Variants in ANKRD30BL observed in about 807,000 individuals in gnomAD.
ANKRD30BL encodes the protein putative ankyrin repeat domain-containing protein 30B-like.
Under a neutral mutation model 18.4 loss-of-function variants are expected in ANKRD30BL, and 20 were observed. That is an observed-to-expected ratio of 1.09 (90% CI 0.77 to 1.58). The LOEUF is 1.58. ANKRD30BL is among the 40% of genes most tolerant of loss of function. ANKRD30BL has a pLI of 0.00. For synonymous variants in ANKRD30BL, 72 were observed against 100.9 expected, an observed-to-expected ratio of 0.71 and a Z score of 1.72; for missense variants, 224 against 268.6, an observed-to-expected ratio of 0.83 and a Z score of 1.16.
intron 1 of ANKRD30BL, among the ~76,000 whole-genome samples, chr2:132,229,837 A>ATG (rs1679957093): frequency 6.6e-6 from 1 of 152,158 alleles, no homozygotes; most frequent in African/African-American, 2.4e-5. Flanking sequence ...TTTCTTTGTG[A>ATG]TTTGTGCATT....
At chr2:132,222,024 A>G (rs62165527) in intron 1 of ANKRD30BL, among the ~76,000 whole-genome samples, 5 of 52,384 alleles carry the variant, frequency 9.5e-5, no homozygotes, top group African/African-American at 2.2e-4. Context: ...CCGGCCAGCC[A>G]CCCTGTCCGG....
chr2:132,163,603 C>T (rs1688130520), upstream of ANKRD30BL, among the ~76,000 whole-genome samples: 1 of 152,214 alleles, frequency 6.6e-6, no homozygotes, highest in South Asian at 2.1e-4. Flanking sequence ...ATTGTTTACA[C>T]ATCTAGCTTG....
At chr2:132,212,346 A>G (rs189027203) in intron 1 of ANKRD30BL, among the ~76,000 whole-genome samples, 1 of 151,260 alleles carries the variant, frequency 6.6e-6, no homozygotes, top group Non-Finnish European at 1.5e-5. Context: ...TCTTTGTGAT[A>G]TGTGCATGCA....
intron 1 of ANKRD30BL, among the ~76,000 whole-genome samples, chr2:132,183,637 T>A (rs199750596): frequency 3.3e-5 from 5 of 151,840 alleles, no homozygotes; most frequent in Admixed American, 2.6e-4. Context: ...CTGATGGGAA[T>A]AAATGAGGAG....
intron 1 of ANKRD30BL, among the ~76,000 whole-genome samples, chr2:132,198,312 CTTTCTTTCTTTCTT>C (rs1679013250): frequency 4.9e-4 from 6 of 12,240 alleles, no homozygotes; most frequent in South Asian, 2.8e-3. Flanking sequence ...TTCTTTCTTT[CTTTCTTTCTTTCTT>C]TTTTTTTTTT....
intron 1 of ANKRD30BL, among the ~76,000 whole-genome samples, chr2:132,240,457 C>A (rs920714391): frequency 2.0e-5 from 3 of 151,606 alleles, no homozygotes; most frequent in East Asian, 2.0e-4. Flanking sequence ...AAAGTTGGAA[C>A]GCTTTGAGGC....
chr2:132,183,153 G>C (rs1002727082), intron 1 of ANKRD30BL, among the ~76,000 whole-genome samples: 1 of 99,116 alleles, frequency 1.0e-5, no homozygotes, highest in Non-Finnish European at 1.9e-5. Context: ...TTTTTTTTTT[G>C]AGAGTCTTGC....
intron 4 of ANKRD30BL, among the ~76,000 whole-genome samples, chr2:132,151,398 T>C (rs1237816593): frequency 1.3e-5 from 2 of 152,132 alleles, no homozygotes; most frequent in Non-Finnish European, 2.9e-5. Context: ...TAAAAATGCT[T>C]AAAATAAAAA....
Position 132,161,579 on chromosome 2 carries a change from G to A in ANKRD30BL, c.127C>T (p.His43Tyr), listed in dbSNP as rs1469751190. 2.7e-6 allele frequency: 4 copies of A among 1,456,294 alleles called. No homozygotes were observed. The highest frequency in any genetic ancestry group is 2.8e-6 in the Non-Finnish European group (3 of 1,063,120). 90.2% of individuals were successfully genotyped at this position (1,456,294 alleles called of 1,614,324 possible). ...VIHHGDLRKI[H>Y]KAASRGQAWK... ...GCTTGGCCCCGGGAGGCAGCTTTGTGGATCTTCCTGAGATCCCCATGGTGA... is the reference window on the plus strand; with the variant it reads ...GCTTGGCCCCGGGAGGCAGCTTTGTAGATCTTCCTGAGATCCCCATGGTGA... The change falls in exon 1 of 6, where the codon CAC (histidine) becomes TAC (tyrosine). Residue 43 changes from histidine (H) to tyrosine (Y), a missense_variant. Physicochemically the swap from His to Tyr is moderately conservative, Grantham distance 83. Around this residue, in one of 3 missense-constraint regions of ANKRD30BL, gnomAD observed 131 missense variants for 128.8 expected, o/e 1.02. Transcript: ENST00000409867.
At chr2:132,228,865 G>A (rs1274478735) in intron 1 of ANKRD30BL, among the ~76,000 whole-genome samples, 1 of 149,850 alleles carries the variant, frequency 6.7e-6, no homozygotes, top group Admixed American at 6.7e-5. Context: ...TGAGCACTTT[G>A]GAAACTCTCT....
chr2:132,227,649 C>T (rs1456659878), intron 1 of ANKRD30BL, among the ~76,000 whole-genome samples: 1 of 152,112 alleles, frequency 6.6e-6, no homozygotes, highest in Non-Finnish European at 1.5e-5. Context: ...AGTTCTGAAA[C>T]ACTCTTTTTG....
At chr2:132,199,495 C>G (rs539743295) in intron 1 of ANKRD30BL, among the ~76,000 whole-genome samples, 1 of 151,824 alleles carries the variant, frequency 6.6e-6, no homozygotes, top group Admixed American at 6.6e-5. Flanking sequence ...TTCTTTCTTT[C>G]TTTTCTTTTC....
chr2:132,147,856 G>C lies in ANKRD30BL; in HGVS notation c.*275C>G, dbSNP rs1409808264. ...AGACAGTTACAGAGCAGGTGTCTAA[G>C]GATGACTAAGGACAGAGCAGGTTAC... is the stretch of plus-strand genomic sequence containing the variant. On this transcript the variant is annotated 3_prime_UTR_variant, in exon 6 of 6. Coordinates refer to ENST00000409867, the MANE Select transcript of ANKRD30BL (RefSeq NM_001358416.1). 1.0e-5 allele frequency: 4 copies of C among 392,480 alleles called. No individual in the cohort carries two copies. Among genetic ancestry groups the C allele is most frequent in the Non-Finnish European group, 1.9e-5 (4 of 207,516 alleles). The allele number at this position is 392,480 out of a possible 1,614,324, so 24.3% of individuals were successfully genotyped here. A position where few individuals can be genotyped will look rare whatever the true frequency, so the allele number is the denominator to read the frequency against.
rs1680071893 is a variant in ANKRD30BL at position 132,233,316 on chromosome 2, AT to A, written n.441+24212del. 2.0e-5 allele frequency among the ~76,000 whole-genome samples: 3 copies of A among 149,738 alleles called. No individual in the cohort carries two copies. In the Admixed American group the frequency reaches 2.0e-4, roughly 10 times the overall value. ...AACCAGCTAACATCATAATGACAGG[AT>A]CAAATTCACACATAACAATATTAAC... On this transcript the variant is annotated intron_variant and non_coding_transcript_variant, in intron 1 of 4. Transcript: ENST00000470729.
chr2:132,209,312 C>T (rs1679278902), intron 1 of ANKRD30BL, among the ~76,000 whole-genome samples: 1 of 150,396 alleles, frequency 6.6e-6, no homozygotes, highest in African/African-American at 2.4e-5. Context: ...AGTTGGAGGG[C>T]TTTGGGACCT....
intron 1 of ANKRD30BL, among the ~76,000 whole-genome samples, chr2:132,233,152 A>G (rs976302957): frequency 6.6e-6 from 1 of 151,170 alleles, no homozygotes; most frequent in African/African-American, 2.4e-5. Context: ...TTTTGTCACC[A>G]CCAGGCCTGC....
chr2:132,176,031 C>G (rs1688362919), intron 1 of ANKRD30BL, among the ~76,000 whole-genome samples: 1 of 152,214 alleles, frequency 6.6e-6, no homozygotes, highest in African/African-American at 2.4e-5. Flanking sequence ...ATCTCTCTTC[C>G]TTTTCCCTAC....
intron 1 of ANKRD30BL, among the ~76,000 whole-genome samples, chr2:132,188,896 G>T (rs1245596653): frequency 3.9e-5 from 6 of 152,088 alleles, no homozygotes; most frequent in Non-Finnish European, 5.9e-5. Context: ...GACAACTGAG[G>T]TTGCCTAAGA....
rs571978744 is a variant in ANKRD30BL at position 132,200,616 on chromosome 2, T to A, written n.442-43470A>T. ...TGTGAAGTACCTCTTCAAGGAGAAC[T>A]ACAAACCACTGCTCAAGGAAATAAA... On this transcript the variant is annotated intron_variant and non_coding_transcript_variant, in intron 1 of 4. Transcript: ENST00000470729. Among the ~76,000 whole-genome samples the A allele has an allele frequency of 1.8e-4, 28 of 152,248 alleles. No homozygotes were observed. In the South Asian group the frequency reaches 5.0e-3, roughly 27 times the overall value.
Sources: allele counts gnomAD v4.1 joint callset (sites outside exome capture counted in the v4.1 genomes callset), GRCh38; gene constraint gnomAD v4.1.1; regional missense constraint gnomAD v4.1.1; transcripts MANE v1.5; gene names NCBI Gene and HGNC (gene_info 2026-07-23, HGNC 2026-07-21).